The following SAMD12 variants were observed in gnomAD, a reference collection of about 807,000 sequenced individuals.
The protein encoded by SAMD12 is sterile alpha motif domain containing 12.
SAMD12 carries 9 observed loss-of-function variants against 15.0 expected under a neutral mutation model. The ratio of observed to expected loss-of-function variants is 0.60; its 90% CI spans 0.36 to 1.05. The LOEUF is 1.05. Among genes scored for constraint, SAMD12 ranks in the 50% least tolerant of loss-of-function variants. The probability of loss-of-function intolerance (pLI) is 0.01; values close to 1 mark genes in which losing one functional copy is unlikely to be tolerated. For missense variants in SAMD12, 230 were observed against 234.2 expected (o/e 0.98, Z 0.12); for synonymous variants, 86 against 90.1 (o/e 0.96, Z 0.25).
rs540288024 is a variant in SAMD12 at position 118,556,970 on chromosome 8, AAAAG to A, written c.192+23741_192+23744del. 7.2e-3 allele frequency among the ~76,000 whole-genome samples: 1,098 copies of A among 152,038 alleles called. 4 individuals carry two copies. The highest frequency in any genetic ancestry group is 0.011 in the Non-Finnish European group (769 of 67,898). The stretch of plus-strand genomic sequence containing the variant: ...CAGTGCGAGACTCCATCTCAAAAAA[AAAAG>A]AAAGAAAGAAAGAAAGAAAGAAATA... On this transcript the variant is annotated intron_variant, in intron 2 of 3. Transcript: ENST00000314727.
At chr8:118,452,752 A>C (rs574164162) in intron 2 of SAMD12, among the ~76,000 whole-genome samples, 1 of 152,340 alleles carries the variant, frequency 6.6e-6, no homozygotes, top group South Asian at 2.1e-4. Context: ...TCAGAGTAAA[A>C]AACATGAACT....
intron 4 of SAMD12, among the ~76,000 whole-genome samples, chr8:118,343,800 C>T (rs574902865): frequency 2.6e-4 from 39 of 152,216 alleles, no homozygotes; most frequent in African/African-American, 9.2e-4. Context: ...TCAGGACTTC[C>T]ATGGATTTGA....
chr8:118,560,342 T>C, intron 2 of SAMD12, among the ~76,000 whole-genome samples: 1 of 152,204 alleles, frequency 6.6e-6, no homozygotes. Context: ...ATAGTCTTTA[T>C]GGTATGATAT....
At chr8:118,604,564 A>G (rs956352024) in intron 1 of SAMD12, among the ~76,000 whole-genome samples, 3 of 152,238 alleles carry the variant, frequency 2.0e-5, no homozygotes, top group South Asian at 4.1e-4. Context: ...CCAGACCAAC[A>G]TGAAACCCCA....
the SAMD12 span, among the ~76,000 whole-genome samples, chr8:118,139,421 C>T: frequency 1.8e-4 from 28 of 152,298 alleles, no homozygotes; most frequent in Admixed American, 5.9e-4. Flanking sequence ...GGCAGTGGCA[C>T]GATCATAGCT....
At chr8:118,618,384 T>G (rs1828299026) in intron 1 of SAMD12, among the ~76,000 whole-genome samples, 1 of 152,226 alleles carries the variant, frequency 6.6e-6, no homozygotes, top group East Asian at 1.9e-4. Flanking sequence ...TCTAATTTGT[T>G]ACTAATTAGA....
intron 2 of SAMD12, among the ~76,000 whole-genome samples, chr8:118,538,649 A>G (rs913858816): frequency 2.6e-5 from 4 of 152,188 alleles, no homozygotes; most frequent in African/African-American, 9.7e-5. Context: ...GAAGTGGTGT[A>G]GGCAATTCAA....
At chr8:118,280,522 T>C (rs754447207) in intron 4 of SAMD12, among the ~76,000 whole-genome samples, 1 of 152,080 alleles carries the variant, frequency 6.6e-6, no homozygotes, top group Admixed American at 6.6e-5. Flanking sequence ...GCTGATAGTA[T>C]TTAGTGAGCC....
chr8:118,268,130 T>C (rs2130095677), intron 4 of SAMD12, among the ~76,000 whole-genome samples: 1 of 152,064 alleles, frequency 6.6e-6, no homozygotes, highest in East Asian at 1.9e-4. Flanking sequence ...ACAACATCCC[T>C]CCTTCTGCTC....
intron 2 of SAMD12, among the ~76,000 whole-genome samples, chr8:118,545,460 T>A (rs193066297): frequency 6.6e-6 from 1 of 151,714 alleles, no homozygotes; most frequent in African/African-American, 2.4e-5. Context: ...AGAGTGAGAG[T>A]CCATCTCAAA....
chr8:118,561,999 T>A (rs1386258426), intron 2 of SAMD12, among the ~76,000 whole-genome samples: 1 of 152,128 alleles, frequency 6.6e-6, no homozygotes, highest in East Asian at 1.9e-4. Context: ...AAGAAAAAAA[T>A]TAGAAAAATA....
intron 1 of SAMD12, among the ~76,000 whole-genome samples, chr8:118,593,170 A>C (rs1192730198): frequency 1.3e-5 from 2 of 152,206 alleles, no homozygotes; most frequent in Non-Finnish European, 2.9e-5. Context: ...TTTTGTAATC[A>C]AAAATCACAT....
intron 1 of SAMD12, among the ~76,000 whole-genome samples, chr8:118,608,611 C>T (rs1310187189): frequency 6.6e-6 from 1 of 152,068 alleles, no homozygotes; most frequent in Non-Finnish European, 1.5e-5. Flanking sequence ...TCAAGCAATT[C>T]TTCTGCCTCA....
intron 4 of SAMD12, among the ~76,000 whole-genome samples, chr8:118,263,167 T>C (rs1028059883): frequency 6.6e-6 from 1 of 152,076 alleles, no homozygotes; most frequent in African/African-American, 2.4e-5. Context: ...TTCTTAGTTT[T>C]CCTGTTTGCA....
intron 2 of SAMD12, among the ~76,000 whole-genome samples, chr8:118,522,924 A>G (rs1156696617): frequency 6.6e-6 from 1 of 152,196 alleles, no homozygotes; most frequent in Non-Finnish European, 1.5e-5. Context: ...AATTTTGTTT[A>G]GATCTCTCTA....
chr8:118,222,135 A>G (rs1290554939), intron 4 of SAMD12, among the ~76,000 whole-genome samples: 1 of 152,204 alleles, frequency 6.6e-6, no homozygotes, highest in Non-Finnish European at 1.5e-5. Flanking sequence ...AGGAGAAAAG[A>G]CAGGAGGACC....
chr8:118,503,693 C>T (rs892796398), intron 2 of SAMD12, among the ~76,000 whole-genome samples: 2 of 152,176 alleles, frequency 1.3e-5, no homozygotes, highest in African/African-American at 4.8e-5. Flanking sequence ...TACAACTCTG[C>T]CTCCATCTCC....
At chr8:118,290,417 C>T (rs931413694) in intron 4 of SAMD12, among the ~76,000 whole-genome samples, 2 of 152,148 alleles carry the variant, frequency 1.3e-5, no homozygotes, top group Non-Finnish European at 2.9e-5. Flanking sequence ...ATGGAACCCA[C>T]CATACAGTAA....
intron 4 of SAMD12, among the ~76,000 whole-genome samples, chr8:118,357,397 C>T (rs1489696962): frequency 6.6e-6 from 1 of 152,072 alleles, no homozygotes; most frequent in Non-Finnish European, 1.5e-5. Flanking sequence ...ACCACCATAT[C>T]CAGCTAATTT....
Sources: allele counts gnomAD v4.1 joint callset (sites outside exome capture counted in the v4.1 genomes callset), GRCh38; gene constraint gnomAD v4.1.1; transcripts MANE v1.5; gene names NCBI Gene and HGNC (gene_info 2026-07-23, HGNC 2026-07-21).